Variants in ARHGAP29 observed in about 807,000 individuals in gnomAD.
ARHGAP29 encodes rho GTPase-activating protein 29.
ARHGAP29 carries 43 observed loss-of-function variants against 122.6 expected under a neutral mutation model. The ratio of observed to expected loss-of-function variants is 0.35; its 90% confidence interval spans 0.27 to 0.45. ARHGAP29 has a LOEUF of 0.45. Among genes scored for constraint, ARHGAP29 ranks in the 20% least tolerant of loss-of-function variants. ARHGAP29 has a pLI of 1.00. For synonymous variants in ARHGAP29, 506 were observed against 497.1 expected (o/e 1.02, Z -0.24); for missense variants, 1,303 against 1,477.2 (o/e 0.88, Z 1.93).
chr1:94,178,161 T>C lies in ARHGAP29; in HGVS notation c.2487A>G (p.Val829=). 6.2e-7 allele frequency: 1 copy of C among 1,612,278 alleles called. No homozygotes were observed. The highest frequency in any genetic ancestry group is 1.3e-5 in the African/African-American group (1 of 74,930). The change falls in exon 21 of 23, where the codon GTA becomes GTG. Residue 829 remains valine, a synonymous_variant. Coordinates refer to ENST00000260526, the MANE Select transcript of ARHGAP29 (RefSeq NM_004815.4). ...HFLIVHLKRV[V]DHAEENKMNS... ...TCATCTTGTTTTCTTCTGCATGATC[T>C]ACTACCCTGCAAAGTAGAACACATA... is the stretch of plus-strand genomic sequence containing the variant.
At chr1:94,292,026 G>A in the ARHGAP29 span, among the ~76,000 whole-genome samples, 4 of 152,116 alleles carry the variant, frequency 2.6e-5, no homozygotes, top group Admixed American at 2.6e-4. Flanking sequence ...AAGTTCTCCT[G>A]GATAATATCC....
At position 94,185,040 on chromosome 1, in the gene ARHGAP29, T is replaced by G; in HGVS notation, c.1941A>C (p.Arg647=). 1 of 1,611,592 alleles carries G rather than the reference T, an allele frequency of 6.2e-7. No homozygotes were observed. The highest frequency in any genetic ancestry group is 8.5e-7 in the Non-Finnish European group (1 of 1,179,246). ...TAATGACTAAATTTTCCAAACACTT[T>G]CGATGACAAACAAGGAGACACTACA... The part of the protein sequence containing the change: ...ECEECLLVCH[R]KCLENLVIIC... The change falls in exon 18 of 23, where the codon CGA becomes CGC. Residue 647 remains arginine, a synonymous_variant. Transcript: ENST00000260526.
rs376295290 is a variant in ARHGAP29, at chr1:94,187,764, G to A, written c.1681+1073C>T. 1.8e-4 allele frequency among the ~76,000 whole-genome samples: 27 copies of A among 152,222 alleles called. No homozygotes were observed. In the South Asian group the frequency reaches 3.3e-3, roughly 19 times the overall value. ...TCTAGATTGGGTCATAATTTCTGGA[G>A]CTACCTAGAACCAGTTTGTTGTTAC... On this transcript the variant is annotated intron_variant, in intron 15 of 22. Coordinates refer to ENST00000260526, the MANE Select transcript of ARHGAP29 (RefSeq NM_004815.4).
At chr1:94,247,281 G>A (rs1653843135) in intron 1 of ARHGAP29, among the ~76,000 whole-genome samples, 1 of 152,038 alleles carries the variant, frequency 6.6e-6, no homozygotes, top group South Asian at 2.1e-4. Context: ...AAAGGGAGCG[G>A]GGCTGAGACA....
Position 94,174,205 on chromosome 1 carries a change from A to C in ARHGAP29, c.3450T>G (p.Ala1150=). 6.2e-7 allele frequency: 1 copy of C among 1,614,164 alleles called. No homozygotes were observed. Among genetic ancestry groups the C allele is most frequent in the Non-Finnish European group, 8.5e-7 (1 of 1,180,032 alleles). ...GCAGTGTTCTGGGTGCTCTGACAGG[A>C]GCGAGAGGGTAGGAATCTGAAGACC... ...ERRSSDSYPL[A]PVRAPRTLQP... is the part of the protein sequence containing the mutation. The change falls in exon 23 of 23, where the codon GCT becomes GCG. Residue 1150 remains alanine, a synonymous_variant. Coordinates refer to ENST00000260526, the MANE Select transcript of ARHGAP29 (RefSeq NM_004815.4).
chr1:94,179,810 T>G lies in ARHGAP29; in HGVS notation c.2395A>C (p.Ile799Leu), dbSNP rs775023065. 1.1e-4 allele frequency: 177 copies of G among 1,613,460 alleles called. No homozygotes were observed. Among genetic ancestry groups the G allele is most frequent in the Non-Finnish European group, 1.4e-4 (165 of 1,179,760 alleles). The change falls in exon 20 of 23, where the codon ATT becomes CTT. Residue 799 changes from isoleucine (I) to leucine (L), a missense_variant. Physicochemically the swap from Ile to Leu is conservative, Grantham distance 5. Coordinates refer to ENST00000260526, the MANE Select transcript of ARHGAP29 (RefSeq NM_004815.4). The part of the protein sequence containing the change: ...WPNMCIEINR[I>L]LLKSKDLLRQ... ...AGAAGGTCTTTGCTTTTTAGAAGAA[T>G]TCGGTTTATTTCTATACACATATTT...
chr1:94,180,243 A>T lies in ARHGAP29; in HGVS notation c.2248-286T>A, dbSNP rs368242008. 1.8e-4 allele frequency among the ~76,000 whole-genome samples: 27 copies of T among 152,320 alleles called. No individual in the cohort carries two copies. The South Asian group carries it at 3.3e-3, about 19-fold the overall frequency. On this transcript the variant is annotated intron_variant, in intron 19 of 22. Coordinates refer to ENST00000260526, the MANE Select transcript of ARHGAP29 (RefSeq NM_004815.4). Reference sequence around the variant, plus strand: ...TTTACAAGTCTGGTATATATCCTATAGCAATCACATTCACGACTCCCCCAA... The same window carrying T: ...TTTACAAGTCTGGTATATATCCTATTGCAATCACATTCACGACTCCCCCAA...
At chr1:94,211,488 A>C (rs950899268) in intron 3 of ARHGAP29, among the ~76,000 whole-genome samples, 3 of 152,102 alleles carry the variant, frequency 2.0e-5, no homozygotes, top group Non-Finnish European at 2.9e-5. Context: ...GATGAGAACA[A>C]CACTATCTAC....
chr1:94,181,559 C>G (rs189558587), intron 19 of ARHGAP29, among the ~76,000 whole-genome samples: 227 of 152,160 alleles, frequency 1.5e-3, no homozygotes, highest in Middle Eastern at 0.014. Flanking sequence ...TCAAACTACC[C>G]CAAGAACAGA....
At chr1:94,189,168 CA>C in intron 14 of ARHGAP29, 47 bp downstream of exon 14, 1 of 1,554,118 alleles carries the variant, frequency 6.4e-7, no homozygotes, top group Non-Finnish European at 8.7e-7. Context: ...CACATTCGAA[CA>C]ACCTGACCTT....
intron 8 of ARHGAP29, among the ~76,000 whole-genome samples, 189 bp downstream of exon 8, chr1:94,203,741 A>G (rs1173015491): frequency 2.0e-5 from 3 of 151,210 alleles, no homozygotes; most frequent in Non-Finnish European, 4.4e-5. Flanking sequence ...TCTTAAGACG[A>G]AAAAAAAAGC....
chr1:94,294,211 G>T, the ARHGAP29 span, among the ~76,000 whole-genome samples: 1 of 152,048 alleles, frequency 6.6e-6, no homozygotes, highest in East Asian at 1.9e-4. Context: ...ATTGAGTTGT[G>T]GGTATTGGTC....
rs41292685 is a variant in ARHGAP29 at position 94,173,431 on chromosome 1, G to A, written c.*438C>T. 9.6e-3 allele frequency: 1,507 copies of A among 156,236 alleles called. 11 individuals are homozygous for A. Among genetic ancestry groups the A allele is most frequent in the Middle Eastern group, 0.031 (9 of 294 alleles). The allele number at this position is 156,236 out of a possible 1,614,324, so 9.7% of individuals were successfully genotyped here. The stretch of plus-strand genomic sequence containing the variant: ...GACAAAACATATGCATACCAACAAA[G>A]ATCTTTTTAGGCACTTGCATTCAGA... On this transcript the variant is annotated 3_prime_UTR_variant, in exon 23 of 23. Coordinates refer to ENST00000260526, the MANE Select transcript of ARHGAP29 (RefSeq NM_004815.4).
the ARHGAP29 span, among the ~76,000 whole-genome samples, chr1:94,310,652 C>A: frequency 6.6e-6 from 1 of 152,208 alleles, no homozygotes; most frequent in African/African-American, 2.4e-5. Flanking sequence ...ATTAATCCTA[C>A]TTCCTTTTTG....
chr1:94,249,311 C>T (rs915530943), intron 1 of ARHGAP29: 1 of 152,156 alleles, frequency 6.6e-6, no homozygotes, highest in South Asian at 2.1e-4. Flanking sequence ...AATAATGAAG[C>T]ATGTATGACA....
intron 3 of ARHGAP29, among the ~76,000 whole-genome samples, chr1:94,211,930 G>GT (rs1370130221): frequency 2.6e-5 from 4 of 151,896 alleles, no homozygotes; most frequent in Non-Finnish European, 5.9e-5. Context: ...ACAGTCCCTG[G>GT]TGTGTGATGT....
At position 94,174,411 on chromosome 1, in the gene ARHGAP29, C is replaced by G; in HGVS notation, c.3244G>C (p.Asp1082His). 6.2e-7 allele frequency: 1 copy of G among 1,614,106 alleles called. No homozygotes were observed. Among genetic ancestry groups the G allele is most frequent in the Non-Finnish European group, 8.5e-7 (1 of 1,180,030 alleles). ...FDQQTLQKIQ[D>H]KQYEQNSLTA... is the part of the protein sequence containing the mutation. Reference sequence around the variant, plus strand: ...AGGCTGTTTTGTTCATACTGTTTGTCCTGAATTTTCTGTAGAGTTTGCTGG... The same window carrying G: ...AGGCTGTTTTGTTCATACTGTTTGTGCTGAATTTTCTGTAGAGTTTGCTGG... The change falls in exon 23 of 23, where the codon GAC becomes CAC. Residue 1082 changes from aspartate (D) to histidine (H), a missense_variant. Transcript: ENST00000260526.
At chr1:94,191,274 T>C (rs895957619) in intron 12 of ARHGAP29, 1 of 152,114 alleles carries the variant, frequency 6.6e-6, no homozygotes, top group Non-Finnish European at 1.5e-5. Context: ...GGCTTCTTTG[T>C]GGGGAAGGTA....
At chr1:94,255,757 T>C (rs1158357282) in intron 1 of ARHGAP29, among the ~76,000 whole-genome samples, 1 of 152,322 alleles carries the variant, frequency 6.6e-6, no homozygotes, top group African/African-American at 2.4e-5. Flanking sequence ...TGGGAGGAGA[T>C]TGATTCGTTT....
Sources: gnomAD v4.1 joint callset for allele counts (sites outside exome capture counted in the v4.1 genomes callset) on GRCh38, gnomAD v4.1.1 for gene constraint, MANE v1.5 for transcripts, NCBI Gene and HGNC (gene_info 2026-07-23, HGNC 2026-07-21) for gene names.